Variants in YES1 observed in about 807,000 individuals in gnomAD.
The protein encoded by YES1 is YES proto-oncogene 1, Src family tyrosine kinase, also known as tyrosine-protein kinase Yes.
A neutral mutation model predicts 70.4 loss-of-function variants in YES1; 39 were observed. The observed-to-expected ratio is 0.55, with a 90% CI of 0.43 to 0.72. YES1 has a LOEUF of 0.72. Among genes scored for constraint, YES1 ranks in the 30% least tolerant of loss-of-function variants. YES1 has a pLI of 0.00. For missense variants in YES1, 495 were observed against 644.8 expected (o/e 0.77, Z 2.52); for synonymous variants, 198 against 218.6 (o/e 0.91, Z 0.83).
rs562540758 is a variant in YES1 at position 728,831 on chromosome 18, G to A, written c.1423+4003C>T. On this transcript the variant is annotated intron_variant, in intron 11 of 11. Transcript: ENST00000314574. ...GAGCCACTGCGCCCAGCTGCATTTCGGATTTTTGAATTAGGAATGCTCAAT... is the reference window on the plus strand; with the variant it reads ...GAGCCACTGCGCCCAGCTGCATTTCAGATTTTTGAATTAGGAATGCTCAAT... Among the ~76,000 whole-genome samples, 11 of 152,200 alleles carry A rather than the reference G, an allele frequency of 7.2e-5. No individual in the cohort carries two copies. The South Asian group carries it at 1.9e-3, about 26-fold the overall frequency.
At chr18:792,552 T>TCTCTCC (rs1568216874) in intron 1 of YES1, among the ~76,000 whole-genome samples, 1 of 107,760 alleles carries the variant, frequency 9.3e-6, no homozygotes, top group African/African-American at 3.2e-5. Context: ...TCTCTCTCTC[T>TCTCTCC]CTCCCTCTGT....
chr18:749,808 C>T (rs528160469), intron 3 of YES1, among the ~76,000 whole-genome samples: 11 of 149,694 alleles, frequency 7.3e-5, no homozygotes, highest in Non-Finnish European at 1.3e-4. Flanking sequence ...TGCAGTGAGC[C>T]GAGATTGCGC....
intron 1 of YES1, chr18:774,915 C>T (rs1218450164): frequency 1.3e-5 from 2 of 152,356 alleles, no homozygotes; most frequent in Non-Finnish European, 2.9e-5. Context: ...CCCAACTTGC[C>T]TCACTTCTGC....
intron 1 of YES1, among the ~76,000 whole-genome samples, chr18:761,496 C>T (rs1174613979): frequency 2.0e-5 from 3 of 152,120 alleles, no homozygotes; most frequent in African/African-American, 7.2e-5. Context: ...CCTATAATTG[C>T]CCAACTACCT....
intron 1 of YES1, among the ~76,000 whole-genome samples, chr18:757,672 A>T (rs893796809): frequency 6.6e-6 from 1 of 151,548 alleles, no homozygotes; most frequent in African/African-American, 2.4e-5. Context: ...AAATACAAAA[A>T]TTAGCTGGGC....
At chr18:799,622 C>A (rs1906716436) in intron 1 of YES1, among the ~76,000 whole-genome samples, 1 of 152,128 alleles carries the variant, frequency 6.6e-6, no homozygotes, top group Admixed American at 6.5e-5. Flanking sequence ...GCAGGAGAAT[C>A]CACCTGGGAG....
chr18:789,840 G>A (rs1188569455), intron 1 of YES1, among the ~76,000 whole-genome samples: 8 of 151,634 alleles, frequency 5.3e-5, no homozygotes, highest in East Asian at 1.9e-4. Flanking sequence ...CAGGCAGATT[G>A]CCTGAGGTCA....
At chr18:802,870 C>A (rs1906896783) in intron 1 of YES1, among the ~76,000 whole-genome samples, 1 of 152,052 alleles carries the variant, frequency 6.6e-6, no homozygotes, top group Non-Finnish European at 1.5e-5. Flanking sequence ...ATCGCTTGAG[C>A]CCAGGAGTTC....
chr18:755,056 T>C (rs1204872308), intron 2 of YES1, among the ~76,000 whole-genome samples: 2 of 152,196 alleles, frequency 1.3e-5, no homozygotes, highest in African/African-American at 4.8e-5. Flanking sequence ...ATTCAACCAT[T>C]TTAGATTACT....
At chr18:775,968 A>G (rs1905359598) in intron 1 of YES1, among the ~76,000 whole-genome samples, 1 of 152,136 alleles carries the variant, frequency 6.6e-6, no homozygotes, top group Non-Finnish European at 1.5e-5. Flanking sequence ...AGGGATATGA[A>G]TTGTTTCCAG....
intron 3 of YES1, among the ~76,000 whole-genome samples, chr18:751,410 T>C (rs1438739406): frequency 5.3e-5 from 8 of 150,860 alleles, no homozygotes; most frequent in East Asian, 1.9e-4. Flanking sequence ...AAACTCTCTT[T>C]ATAAAGTTTT....
intron 11 of YES1, among the ~76,000 whole-genome samples, chr18:727,326 T>C (rs2080032768): frequency 1.3e-5 from 2 of 152,178 alleles, no homozygotes; most frequent in African/African-American, 4.8e-5. Context: ...TTCCATCCTT[T>C]TAATTTCAGT....
Position 739,845 on chromosome 18 carries a change from A to G in YES1, c.1061-34T>C, listed in dbSNP as rs575396824. ...GACAGCAAGATATTCATAAAAAATA[A>G]GCAAATCTTATATTAGGATTGAAAT... On this transcript the variant is annotated intron_variant, in intron 8 of 11. Transcript: ENST00000314574. The G allele has an allele frequency of 1.2e-5, 18 of 1,535,730 alleles. No homozygotes were observed. In the East Asian group the frequency reaches 1.8e-4, roughly 15 times the overall value.
At chr18:763,789 A>T (rs1904720125) in intron 1 of YES1, among the ~76,000 whole-genome samples, 1 of 151,840 alleles carries the variant, frequency 6.6e-6, no homozygotes, top group South Asian at 2.1e-4. Context: ...AAGTATAATA[A>T]TCAAGGTTGT....
intron 1 of YES1, among the ~76,000 whole-genome samples, chr18:800,683 A>G (rs1395861520): frequency 6.6e-6 from 1 of 152,242 alleles, no homozygotes; most frequent in Non-Finnish European, 1.5e-5. Context: ...ACAGTGGCAA[A>G]AGAGTGGCAA....
chr18:792,606 T>C (rs1246573516), intron 1 of YES1, among the ~76,000 whole-genome samples: 1 of 151,572 alleles, frequency 6.6e-6, no homozygotes, highest in Admixed American at 6.6e-5. Context: ...TATACATATA[T>C]ATACATACAT....
At chr18:749,816 C>A (rs1423752212) in intron 3 of YES1, among the ~76,000 whole-genome samples, 1 of 148,440 alleles carries the variant, frequency 6.7e-6, no homozygotes, top group African/African-American at 2.5e-5. Context: ...GCCGAGATTG[C>A]GCCACTGCAC....
chr18:727,625 C>G (rs560749131), intron 11 of YES1, among the ~76,000 whole-genome samples: 78 of 152,208 alleles, frequency 5.1e-4, no homozygotes, highest in African/African-American at 1.8e-3. Context: ...ATCATTGAGA[C>G]TACAATATGC....
At chr18:744,016 T>C (rs933108030) in intron 6 of YES1, among the ~76,000 whole-genome samples, 10 of 149,718 alleles carry the variant, frequency 6.7e-5, no homozygotes, top group Non-Finnish European at 1.0e-4. Context: ...TATATACTAA[T>C]ATATAGTAGA....
Sources: gnomAD v4.1 joint callset for allele counts (sites outside exome capture counted in the v4.1 genomes callset) on GRCh38, gnomAD v4.1.1 for gene constraint, MANE v1.5 for transcripts, NCBI Gene and HGNC (gene_info 2026-07-23, HGNC 2026-07-21) for gene names.